ATP2C1: variants seen among roughly 807,000 people sequenced by gnomAD.
The protein encoded by ATP2C1 is ATPase secretory pathway Ca2+ transporting 1.
In ATP2C1, 31 loss-of-function variants were observed where a neutral mutation model predicts 120.5. That is an observed-to-expected ratio of 0.26 (90% CI 0.19 to 0.35). ATP2C1 has a LOEUF of 0.35. Ranked by LOEUF, ATP2C1 falls within the 10% of genes least tolerant of loss-of-function variation. The pLI is 1.00. For synonymous variants in ATP2C1, 351 were observed against 358.7 expected, an observed-to-expected ratio of 0.98 and a Z score of 0.24; for missense variants, 731 against 1,107.5, an observed-to-expected ratio of 0.66 and a Z score of 4.83.
chr3:131,013,806 C>A, intron 26 of ATP2C1: 2 of 358,166 alleles, frequency 5.6e-6, no homozygotes, highest in South Asian at 5.7e-5. Flanking sequence ...ACTATATTAC[C>A]ATTAACTTGC....
Position 130,913,010 on chromosome 3 carries a change from A to T in ATP2C1, c.7-17406A>T, listed in dbSNP as rs2058508375. On this transcript the variant is annotated intron_variant, in intron 2 of 27. Transcript: ENST00000510168. ...CAGTAAACTATCGCAAGAACAAAAA[A>T]CCAAACACCACATATTCTCACTCAT... is the stretch of plus-strand genomic sequence containing the variant. 2.3e-4 allele frequency among the ~76,000 whole-genome samples: 33 copies of T among 145,894 alleles called. No individual in the cohort carries two copies. The South Asian group carries it at 7.0e-3, about 31-fold the overall frequency.
chr3:130,981,207 C>G lies in ATP2C1; in HGVS notation c.1839+528C>G, dbSNP rs965389227. 3.8e-4 allele frequency among the ~76,000 whole-genome samples: 58 copies of G among 152,126 alleles called. 1 individual carries two copies. Among genetic ancestry groups the G allele is most frequent in the African/African-American group, 1.4e-3 (56 of 41,438 alleles). On this transcript the variant is annotated intron_variant, in intron 20 of 27. Coordinates refer to ENST00000510168, the MANE Select transcript of ATP2C1 (RefSeq NM_001378687.1). ...AGGCCTTTTTGTGGTACCTTCTCCC[C>G]CTACTTCCAGGACTTGGCAGCCACT...
intron 2 of ATP2C1, among the ~76,000 whole-genome samples, chr3:130,923,229 CTT>C (rs954421675): frequency 1.4e-5 from 2 of 144,990 alleles, no homozygotes; most frequent in Non-Finnish European, 1.5e-5. Flanking sequence ...CTTTGTCTTT[CTT>C]TTTTTTTTTG....
intron 22 of ATP2C1, among the ~76,000 whole-genome samples, chr3:130,995,228 A>G (rs749371737): frequency 5.3e-5 from 8 of 152,044 alleles, no homozygotes; most frequent in African/African-American, 9.7e-5. Flanking sequence ...AGCCTAGGCA[A>G]CATGTCAAAA....
chr3:131,011,349 C>G, intron 26 of ATP2C1, among the ~76,000 whole-genome samples: 1 of 152,236 alleles, frequency 6.6e-6, no homozygotes, highest in African/African-American at 2.4e-5. Flanking sequence ...CCTGTCTCTG[C>G]AGCTTTCTCT....
At chr3:130,870,170 C>CAA (rs774823282) in intron 1 of ATP2C1, among the ~76,000 whole-genome samples, 2 of 145,652 alleles carry the variant, frequency 1.4e-5, no homozygotes, top group African/African-American at 5.0e-5. Flanking sequence ...GTTGAGACCT[C>CAA]AAAAAAAAAA....
chr3:130,940,356 A>T (rs1352555724), intron 6 of ATP2C1, among the ~76,000 whole-genome samples: 1 of 152,246 alleles, frequency 6.6e-6, no homozygotes, highest in Non-Finnish European at 1.5e-5. Flanking sequence ...TACTCTTTGG[A>T]CATACTAGTC....
intron 12 of ATP2C1, 193 bp downstream of exon 12, chr3:130,959,534 A>G (rs1015437352): frequency 1.5e-5 from 6 of 389,396 alleles, no homozygotes; most frequent in African/African-American, 1.2e-4. Flanking sequence ...ATGGTAATGA[A>G]GAAAACCCAT....
intron 12 of ATP2C1, among the ~76,000 whole-genome samples, chr3:130,960,798 G>A (rs913066694): frequency 6.6e-6 from 1 of 152,120 alleles, no homozygotes; most frequent in African/African-American, 2.4e-5. Flanking sequence ...AAATAGGTAG[G>A]CAAGTACTCA....
At chr3:130,943,242 G>A (rs972893175) in intron 8 of ATP2C1, among the ~76,000 whole-genome samples, 1 of 152,140 alleles carries the variant, frequency 6.6e-6, no homozygotes, top group African/African-American at 2.4e-5. Flanking sequence ...TTGAGATGGA[G>A]TCTCACTCTG....
intron 2 of ATP2C1, among the ~76,000 whole-genome samples, chr3:130,921,599 CA>C (rs1211869228): frequency 6.6e-6 from 1 of 152,100 alleles, no homozygotes; most frequent in African/African-American, 2.4e-5. Flanking sequence ...TTTTCATATA[CA>C]GTCTTTATTA....
intron 2 of ATP2C1, among the ~76,000 whole-genome samples, chr3:130,904,270 A>G (rs908140305): frequency 1.3e-5 from 2 of 152,066 alleles, no homozygotes; most frequent in African/African-American, 4.8e-5. Context: ...TTTCTAGTTC[A>G]GGATCCAATT....
rs2062886823 is a variant in ATP2C1 at position 131,001,587 on chromosome 3, A to G, written c.*237A>G. ...CTTTTGTGATTGAGTGAAACTTTAT[A>G]AAGCATATGGTCAGTTATTTAATTA... On this transcript the variant is annotated 3_prime_UTR_variant, in exon 28 of 28. Coordinates refer to ENST00000510168, the MANE Select transcript of ATP2C1 (RefSeq NM_001378687.1). 2.5e-6 allele frequency: 3 copies of G among 1,216,558 alleles called. No individual in the cohort carries two copies. The highest frequency in any genetic ancestry group is 3.1e-6 in the Non-Finnish European group (3 of 969,770). The allele number at this position is 1,216,558 out of a possible 1,614,324, so 75.4% of individuals were successfully genotyped here.
intron 1 of ATP2C1, among the ~76,000 whole-genome samples, chr3:130,858,374 G>A (rs1303411776): frequency 6.6e-6 from 1 of 152,054 alleles, no homozygotes; most frequent in Non-Finnish European, 1.5e-5. Flanking sequence ...TCCTGGCTAG[G>A]GCATCTGTTC....
intron 17 of ATP2C1, among the ~76,000 whole-genome samples, chr3:130,971,988 T>C (rs1228242242): frequency 6.6e-6 from 1 of 152,178 alleles, no homozygotes; most frequent in African/African-American, 2.4e-5. Context: ...AGCTGCCTGG[T>C]CTCGTAAGGC....
At chr3:130,938,889 CA>C (rs1021392583) in intron 6 of ATP2C1, among the ~76,000 whole-genome samples, 8 of 152,010 alleles carry the variant, frequency 5.3e-5, no homozygotes, top group African/African-American at 1.9e-4. Flanking sequence ...CCCATGTTTT[CA>C]AAAAACACCA....
chr3:130,934,918 C>T (rs55651445), intron 5 of ATP2C1, among the ~76,000 whole-genome samples: 10,343 of 152,092 alleles, frequency 0.068, 1,134 homozygotes, highest in African/African-American at 0.23. Context: ...ACTGCAGCCC[C>T]GAACTCCTGG....
intron 6 of ATP2C1, among the ~76,000 whole-genome samples, chr3:130,939,739 A>G (rs1169887921): frequency 6.6e-6 from 1 of 152,158 alleles, no homozygotes; most frequent in African/African-American, 2.4e-5. Flanking sequence ...TCTAAGATTA[A>G]GTAGAGACTG....
intron 2 of ATP2C1, among the ~76,000 whole-genome samples, chr3:130,909,837 A>G (rs1198325008): frequency 6.6e-6 from 1 of 151,780 alleles, no homozygotes; most frequent in Non-Finnish European, 1.5e-5. Flanking sequence ...GTTTTTCGGT[A>G]TAGTAGTAGG....
Sources: gnomAD v4.1 joint callset for allele counts (sites outside exome capture counted in the v4.1 genomes callset) on GRCh38, gnomAD v4.1.1 for gene constraint, MANE v1.5 for transcripts, NCBI Gene and HGNC (gene_info 2026-07-23, HGNC 2026-07-21) for gene names.